Variants in GRID2 observed in about 807,000 individuals in gnomAD.
GRID2 encodes glutamate receptor ionotropic, delta-2.
In GRID2, 33 loss-of-function variants were observed where a neutral mutation model predicts 114.8. That is an observed-to-expected ratio of 0.29 (90% CI 0.22 to 0.38). The LOEUF (loss-of-function observed/expected upper bound fraction) is 0.38, where lower values mean the gene tolerates loss of function less well. Ranked by LOEUF, GRID2 falls within the 10% of genes least tolerant of loss-of-function variation. GRID2 has a pLI of 1.00. For synonymous variants in GRID2, 505 were observed against 449.9 expected (o/e 1.12, Z -1.55); for missense variants, 1,184 against 1,257.7 (o/e 0.94, Z 0.89).
intron 10 of GRID2, among the ~76,000 whole-genome samples, chr4:93,428,809 A>G (rs1466865425): frequency 1.3e-5 from 2 of 152,194 alleles, no homozygotes; most frequent in Admixed American, 1.3e-4. Context: ...AACACAATAT[A>G]CATATGTCAG....
intron 2 of GRID2, among the ~76,000 whole-genome samples, chr4:93,064,708 A>G (rs1387300333): frequency 6.6e-6 from 1 of 151,920 alleles, no homozygotes; most frequent in African/African-American, 2.4e-5. Flanking sequence ...TTTCACATCT[A>G]AAACTTGAAA....
At chr4:93,380,996 ACC>A (rs1289611155) in intron 8 of GRID2, among the ~76,000 whole-genome samples, 1 of 151,746 alleles carries the variant, frequency 6.6e-6, no homozygotes, top group Non-Finnish European at 1.5e-5. Flanking sequence ...TGCTTTAGTT[ACC>A]CTTTTCTCTC....
chr4:93,320,686 A>G (rs1021631652), intron 8 of GRID2, among the ~76,000 whole-genome samples: 1 of 152,062 alleles, frequency 6.6e-6, no homozygotes, highest in African/African-American at 2.4e-5. Context: ...TGAGTCAACC[A>G]TAGCTGAATT....
intron 2 of GRID2, among the ~76,000 whole-genome samples, chr4:92,708,431 A>G (rs1735056819): frequency 6.6e-6 from 1 of 152,154 alleles, no homozygotes; most frequent in Admixed American, 6.6e-5. Flanking sequence ...ACAGACCAGT[A>G]CTGGTTCATG....
At chr4:93,511,494 T>TG (rs1466131311) in intron 12 of GRID2, among the ~76,000 whole-genome samples, 2 of 152,210 alleles carry the variant, frequency 1.3e-5, no homozygotes, top group Non-Finnish European at 2.9e-5. Flanking sequence ...CTCAGTCAGG[T>TG]GTCAAGAAGA....
At chr4:92,319,086 C>T (rs149748711) in intron 1 of GRID2, among the ~76,000 whole-genome samples, 22 of 152,202 alleles carry the variant, frequency 1.4e-4, no homozygotes, top group African/African-American at 4.6e-4. Context: ...AGTGATATTA[C>T]ACTACAATTA....
At position 93,226,450 on chromosome 4, in the gene GRID2, G is replaced by A. The variant is rs147141390; in HGVS notation, c.1125+1675G>A. On this transcript the variant is annotated intron_variant, in intron 7 of 15. Coordinates refer to ENST00000282020, the MANE Select transcript of GRID2 (RefSeq NM_001510.4). ...CCTAAGTAAGTCTAAAACCCAACAC[G>A]AAAAATAATATTAAGTCATAAAGCC... 1.5e-4 allele frequency among the ~76,000 whole-genome samples: 23 copies of A among 152,200 alleles called. No individual in the cohort carries two copies. In the East Asian group the frequency reaches 2.3e-3, roughly 15 times the overall value.
intron 8 of GRID2, 104 bp downstream of exon 8, chr4:93,238,594 A>C (rs1579386949): frequency 4.9e-6 from 4 of 823,538 alleles, no homozygotes; most frequent in Non-Finnish European, 7.3e-6. Flanking sequence ...TCAATATTGT[A>C]GTGTGAAAGA....
intron 10 of GRID2, among the ~76,000 whole-genome samples, chr4:93,450,173 G>A (rs1251921333): frequency 1.3e-5 from 2 of 151,828 alleles, no homozygotes; most frequent in East Asian, 3.9e-4. Flanking sequence ...CAAGTATTTT[G>A]AGGGACAGAA....
intron 13 of GRID2, among the ~76,000 whole-genome samples, chr4:93,521,721 G>A (rs925640700): frequency 6.6e-6 from 1 of 152,036 alleles, no homozygotes; most frequent in African/African-American, 2.4e-5. Flanking sequence ...GAAAAAAAAT[G>A]CCTGTACAAA....
chr4:93,525,845 A>C (rs1730835439), intron 13 of GRID2, among the ~76,000 whole-genome samples: 1 of 152,146 alleles, frequency 6.6e-6, no homozygotes, highest in African/African-American at 2.4e-5. Context: ...CCAGCTTTCT[A>C]GTTCCCCAGG....
chr4:92,356,511 T>A (rs1728331183), intron 1 of GRID2, among the ~76,000 whole-genome samples: 1 of 151,634 alleles, frequency 6.6e-6, no homozygotes, highest in Non-Finnish European at 1.5e-5. Context: ...TTTATATGCA[T>A]ATTACATATA....
At chr4:92,580,885 T>A (rs868740512) in intron 1 of GRID2, among the ~76,000 whole-genome samples, 16 of 123,296 alleles carry the variant, frequency 1.3e-4, no homozygotes, top group Admixed American at 1.6e-4. Context: ...GCTTTTTGCC[T>A]ATTTGTTTTT....
intron 1 of GRID2, among the ~76,000 whole-genome samples, chr4:92,310,199 A>C (rs1299976669): frequency 6.6e-6 from 1 of 151,030 alleles, no homozygotes; most frequent in Non-Finnish European, 1.5e-5. Context: ...TGTAAAACTC[A>C]TAACTATTCT....
intron 8 of GRID2, among the ~76,000 whole-genome samples, chr4:93,244,514 TATTA>T (rs1380975153): frequency 7.0e-5 from 2 of 28,546 alleles, no homozygotes; most frequent in African/African-American, 1.0e-4. Context: ...TTATATAATC[TATTA>T]ATTAATAGAT....
intron 1 of GRID2, among the ~76,000 whole-genome samples, chr4:92,553,087 G>T (rs896764859): frequency 6.6e-6 from 1 of 152,048 alleles, no homozygotes; most frequent in African/African-American, 2.4e-5. Context: ...CTTTTTGGTG[G>T]GTGGGGAGCA....
chr4:92,889,290 T>G (rs1746579171), intron 2 of GRID2, among the ~76,000 whole-genome samples: 1 of 152,060 alleles, frequency 6.6e-6, no homozygotes. Flanking sequence ...GAGAAAGAAA[T>G]AAAGGGTATT....
intron 14 of GRID2, among the ~76,000 whole-genome samples, chr4:93,738,194 G>A (rs1273749861): frequency 6.6e-6 from 1 of 152,152 alleles, no homozygotes; most frequent in African/African-American, 2.4e-5. Flanking sequence ...CTTTAGGTTA[G>A]TGTAATTAGA....
chr4:92,705,657 C>T (rs1210532216), intron 2 of GRID2, among the ~76,000 whole-genome samples: 2 of 152,146 alleles, frequency 1.3e-5, no homozygotes, highest in African/African-American at 4.8e-5. Flanking sequence ...ATTTAATTTG[C>T]CTATTTCATA....
Sources: gnomAD v4.1 joint callset for allele counts (sites outside exome capture counted in the v4.1 genomes callset) on GRCh38, gnomAD v4.1.1 for gene constraint, MANE v1.5 for transcripts, NCBI Gene and HGNC (gene_info 2026-07-23, HGNC 2026-07-21) for gene names.